Variants in NT5C2 observed in about 807,000 individuals in gnomAD.
The protein encoded by NT5C2 is cytosolic purine 5'-nucleotidase.
A neutral mutation model predicts 76.1 loss-of-function variants in NT5C2; 58 were observed. The ratio of observed to expected loss-of-function variants is 0.76; its 90% CI spans 0.62 to 0.95. NT5C2 has a LOEUF of 0.95. NT5C2 is among the 40% of genes least tolerant of loss of function. The pLI, the probability that NT5C2 is intolerant of heterozygous loss-of-function variation, is 0.00. For synonymous variants in NT5C2, 229 were observed against 237.4 expected, an observed-to-expected ratio of 0.96 and a Z score of 0.32; for missense variants, 478 against 690.3, an observed-to-expected ratio of 0.69 and a Z score of 3.45.
At chr10:103,094,295 G>A in intron 13 of NT5C2, 53 bp downstream of exon 13, 1 of 1,178,514 alleles carries the variant, frequency 8.5e-7, no homozygotes, top group Non-Finnish European at 1.3e-6. Flanking sequence ...AGTGGGGGAA[G>A]GAGAAACATT....
At chr10:103,126,134 A>G (rs1317375646) in intron 4 of NT5C2, among the ~76,000 whole-genome samples, 1 of 152,226 alleles carries the variant, frequency 6.6e-6, no homozygotes. Context: ...TTAATAAATT[A>G]GGAAACTAGA....
At chr10:103,139,279 G>A (rs2079925936) in intron 4 of NT5C2, 127 bp downstream of exon 4, 2 of 523,840 alleles carry the variant, frequency 3.8e-6, no homozygotes, top group African/African-American at 2.0e-5. Flanking sequence ...GAAGCAACCT[G>A]ATAATAAAAG....
At chr10:103,110,919 CAA>C (rs2072854190) in intron 4 of NT5C2, among the ~76,000 whole-genome samples, 1 of 151,972 alleles carries the variant, frequency 6.6e-6, no homozygotes, top group African/African-American at 2.4e-5. Context: ...GACCTGGTGG[CAA>C]AAATTCCTGA....
intron 2 of NT5C2, among the ~76,000 whole-genome samples, chr10:103,176,793 C>A (rs758370545): frequency 3.9e-5 from 6 of 152,174 alleles, no homozygotes; most frequent in Admixed American, 3.9e-4. Context: ...CAGTTGGGAG[C>A]CACCCGCCGG....
intron 3 of NT5C2, among the ~76,000 whole-genome samples, chr10:103,167,859 G>A (rs2086806639): frequency 6.6e-6 from 1 of 151,966 alleles, no homozygotes; most frequent in Non-Finnish European, 1.5e-5. Flanking sequence ...TTGAACTCCT[G>A]TGCTCAATGA....
chr10:103,174,990 A>C lies in NT5C2; in HGVS notation c.-24-8T>G. On this transcript the variant is annotated splice_polypyrimidine_tract_variant and splice_region_variant and intron_variant, in intron 2 of 18. Transcript: ENST00000404739. Reference sequence around the variant, plus strand: ...TTAACTGTATTTTGTATTCTAGAAAAGAAAATCATTAATTTAGTAACTTAA... The same window carrying C: ...TTAACTGTATTTTGTATTCTAGAAACGAAAATCATTAATTTAGTAACTTAA... The C allele has an allele frequency of 7.0e-7, 1 of 1,435,164 alleles. No individual in the cohort carries two copies. The highest frequency in any genetic ancestry group is 9.8e-7 in the Non-Finnish European group (1 of 1,019,396). The allele number at this position is 1,435,164 out of a possible 1,614,324, so 88.9% of individuals were successfully genotyped here. A position where few individuals can be genotyped will look rare whatever the true frequency, so the allele number is the denominator to read the frequency against.
intron 9 of NT5C2, 137 bp downstream of exon 9, chr10:103,099,789 G>C (rs1383857372): frequency 1.8e-6 from 1 of 555,798 alleles, no homozygotes; most frequent in Non-Finnish European, 3.2e-6. Flanking sequence ...GTATTCTAGA[G>C]GGCTATCACT....
chr10:103,089,783 T>C lies in NT5C2; in HGVS notation c.1575A>G (p.Thr525=). 2 of 1,614,098 alleles carry C rather than the reference T, an allele frequency of 1.2e-6. No homozygotes were observed. Among genetic ancestry groups the C allele is most frequent in the Non-Finnish European group, 1.7e-6 (2 of 1,179,984 alleles). Residue 525 remains threonine (T), a synonymous_variant, in exon 19 of 19, where the codon ACA becomes ACG. Transcript: ENST00000404739. ...GAGGTTTAATCTCACTAATTGACCG[T>C]GTCAGCTGGTGCCGCTTGTAGTCAG... The part of the protein sequence containing the change: ...KDTDYKRHQL[T]RSISEIKPPN...
At chr10:103,176,220 T>C (rs1052786933) in intron 2 of NT5C2, 1 of 153,564 alleles carries the variant, frequency 6.5e-6, no homozygotes, top group Non-Finnish European at 1.5e-5. Context: ...ACATTCCCTT[T>C]TCCCCTCTCC....
At chr10:103,128,222 C>T (rs1275986112) in intron 4 of NT5C2, among the ~76,000 whole-genome samples, 10 of 149,656 alleles carry the variant, frequency 6.7e-5, no homozygotes, top group African/African-American at 2.2e-4. Flanking sequence ...ATTGCAGGCA[C>T]GCGCCGCCAC....
At chr10:103,182,368 G>A (rs1182571351) in intron 1 of NT5C2, among the ~76,000 whole-genome samples, 1 of 152,116 alleles carries the variant, frequency 6.6e-6, no homozygotes, top group African/African-American at 2.4e-5. Context: ...AAACCTGGGT[G>A]GCTCACACCT....
intron 8 of NT5C2, chr10:103,100,620 C>G (rs1718507345): frequency 6.5e-6 from 3 of 459,348 alleles, no homozygotes; most frequent in Non-Finnish European, 1.3e-5. Context: ...AGTATTTATT[C>G]CTTAATCAAA....
intron 14 of NT5C2, 59 bp downstream of exon 14, chr10:103,093,913 A>G (rs1383496692): frequency 3.1e-6 from 4 of 1,311,260 alleles, no homozygotes; most frequent in Non-Finnish European, 4.4e-6. Flanking sequence ...AGAGATTACC[A>G]AAGCTTTCAC....
chr10:103,096,839 C>CT (rs1253480269), intron 11 of NT5C2, among the ~76,000 whole-genome samples: 1 of 99,180 alleles, frequency 1.0e-5, no homozygotes, highest in Admixed American at 1.4e-4. Context: ...GAGTGAGACT[C>CT]TGTCTCAAAA....
rs777981539 is a variant in NT5C2, at chr10:103,090,604, A to AACTC, written c.1449+3_1449+6dup. 5 of 1,611,186 alleles carry AACTC rather than the reference A, an allele frequency of 3.1e-6. No individual in the cohort carries two copies. The highest frequency in any genetic ancestry group is 4.2e-6 in the Non-Finnish European group (5 of 1,178,440). ...CATCTTGGCTGTCCATTACAGCTTT[A>AACTC]ACTCACCAAGACATGGGCAGCCCTG... On this transcript the variant is annotated splice_region_variant and intron_variant, in intron 18 of 18. Transcript: ENST00000404739.
intron 6 of NT5C2, among the ~76,000 whole-genome samples, chr10:103,105,127 T>C (rs1277229754): frequency 6.6e-6 from 1 of 152,206 alleles, no homozygotes; most frequent in African/African-American, 2.4e-5. Flanking sequence ...TTAGTGACAA[T>C]AGTGGAAATA....
chr10:103,111,922 G>A (rs2073141422), intron 4 of NT5C2: 1 of 557,650 alleles, frequency 1.8e-6, no homozygotes, highest in Non-Finnish European at 2.7e-6. Flanking sequence ...ATTTACAGGA[G>A]TTACTACTGC....
intron 6 of NT5C2, among the ~76,000 whole-genome samples, chr10:103,105,170 T>C (rs969912537): frequency 1.7e-4 from 26 of 152,340 alleles, no homozygotes; most frequent in African/African-American, 6.3e-4. Context: ...TATTCTTATT[T>C]GTTTAAAATA....
chr10:103,093,649 C>T, intron 14 of NT5C2: 1 of 393,128 alleles, frequency 2.5e-6, no homozygotes, highest in Non-Finnish European at 4.6e-6. Flanking sequence ...ATACTATGTA[C>T]CTATACCCAT....
Sources: gnomAD v4.1 joint callset for allele counts (sites outside exome capture counted in the v4.1 genomes callset) on GRCh38, gnomAD v4.1.1 for gene constraint, MANE v1.5 for transcripts, NCBI Gene and HGNC (gene_info 2026-07-23, HGNC 2026-07-21) for gene names.